The following CDH17 variants were observed in gnomAD, a reference collection of about 807,000 sequenced individuals.
The protein encoded by CDH17 is cadherin 17, also known as cadherin-17.
In CDH17, 67 loss-of-function variants were observed where a neutral mutation model predicts 86.3. That is an observed-to-expected ratio of 0.78 (90% confidence interval 0.64 to 0.95). The LOEUF is 0.95. Among genes scored for constraint, CDH17 ranks in the 40% least tolerant of loss-of-function variants. The pLI, the probability that CDH17 is intolerant of heterozygous loss-of-function variation, is 0.00. For synonymous variants in CDH17, 367 were observed against 366.4 expected, an observed-to-expected ratio of 1.00 and a Z score of -0.02; for missense variants, 993 against 1,017.6, an observed-to-expected ratio of 0.98 and a Z score of 0.33.
chr8:94,130,840 G>T, intron 16 of CDH17, 36 bp downstream of exon 16: 1 of 1,512,346 alleles, frequency 6.6e-7, no homozygotes, highest in East Asian at 2.3e-5. Context: ...CATGGTGACA[G>T]ATACTAGCCT....
At chr8:94,212,180 C>T (rs1814131702), upstream of CDH17, among the ~76,000 whole-genome samples, 1 of 152,168 alleles carries the variant, frequency 6.6e-6, no homozygotes, top group Non-Finnish European at 1.5e-5. Context: ...GACAGGGTCT[C>T]GCTCTGTCAC....
intron 10 of CDH17, among the ~76,000 whole-genome samples, chr8:94,162,938 T>C (rs79114277): frequency 0.033 from 5,073 of 152,342 alleles, 268 homozygotes; most frequent in African/African-American, 0.11. Context: ...TGCACTGCAC[T>C]GTATAATGGT....
intron 1 of CDH17, among the ~76,000 whole-genome samples, chr8:94,200,208 C>T (rs901982131): frequency 6.6e-6 from 1 of 152,120 alleles, no homozygotes; most frequent in Non-Finnish European, 1.5e-5. Flanking sequence ...GACACAATAC[C>T]ATTCAAGTGT....
intron 1 of CDH17, among the ~76,000 whole-genome samples, chr8:94,201,215 T>A (rs1348259097): frequency 3.9e-5 from 6 of 152,168 alleles, no homozygotes; most frequent in Non-Finnish European, 8.8e-5. Flanking sequence ...TGCAAATGTA[T>A]CTCTGTGTCT....
intron 12 of CDH17, among the ~76,000 whole-genome samples, chr8:94,159,110 T>C (rs762167058): frequency 1.3e-4 from 20 of 152,244 alleles, no homozygotes; most frequent in African/African-American, 3.4e-4. Context: ...CTGCTTCCAA[T>C]TGAGTCATCT....
intron 2 of CDH17, among the ~76,000 whole-genome samples, chr8:94,191,478 T>C: frequency 6.8e-6 from 1 of 147,000 alleles, no homozygotes; most frequent in Non-Finnish European, 1.5e-5. Flanking sequence ...TGAGACAGAG[T>C]TTCACTTTTG....
chr8:94,129,285 G>C (rs1217615241), intron 17 of CDH17, among the ~76,000 whole-genome samples: 1 of 152,190 alleles, frequency 6.6e-6, no homozygotes, highest in Non-Finnish European at 1.5e-5. Flanking sequence ...ACCTATGTAA[G>C]TGAGTGGGAC....
intron 2 of CDH17, among the ~76,000 whole-genome samples, chr8:94,192,919 C>T (rs10504934): frequency 0.37 from 55,724 of 152,136 alleles, 11,325 homozygotes; most frequent in Non-Finnish European, 0.48. Context: ...TAAATTAGTG[C>T]TTCTGTTGAA....
intron 15 of CDH17, among the ~76,000 whole-genome samples, chr8:94,140,615 A>T (rs1442434800): frequency 6.6e-6 from 1 of 152,212 alleles, no homozygotes; most frequent in Non-Finnish European, 1.5e-5. Context: ...AAACAAAAAC[A>T]GAAAAAAAAT....
intron 17 of CDH17, among the ~76,000 whole-genome samples, chr8:94,129,942 A>G (rs1812377124): frequency 6.6e-6 from 1 of 152,160 alleles, no homozygotes; most frequent in South Asian, 2.1e-4. Context: ...TGTATTTGCA[A>G]ATGTTCAAAA....
At chr8:94,184,712 T>A (rs1016050461) in intron 3 of CDH17, among the ~76,000 whole-genome samples, 10 of 152,202 alleles carry the variant, frequency 6.6e-5, no homozygotes, top group Non-Finnish European at 8.8e-5. Flanking sequence ...GCATGAATTT[T>A]TAGGGTTACA....
Position 94,146,012 on chromosome 8 carries a change from G to T in CDH17, c.2083C>A (p.Gln695Lys), listed in dbSNP as rs1257513536. 1.9e-6 allele frequency: 3 copies of T among 1,613,876 alleles called. No homozygotes were observed. Among genetic ancestry groups the T allele is most frequent in the Non-Finnish European group, 2.5e-6 (3 of 1,179,874 alleles). The change falls in exon 15 of 18, where the codon CAG (glutamine) becomes AAG (lysine). Residue 695 changes from glutamine (Q) to lysine (K), a missense_variant. Transcript: ENST00000027335. ...SLIFEATDDD[Q>K]HLFRGPHFTF... is the part of the protein sequence containing the mutation. ...AAATGGGGACCCCGAAATAAGTGCT[G>T]ATCATCATCAGTAGCCTCGAAAATG...
chr8:94,193,769 A>G (rs1000582736), intron 2 of CDH17, among the ~76,000 whole-genome samples: 7 of 152,088 alleles, frequency 4.6e-5, no homozygotes, highest in African/African-American at 1.7e-4. Context: ...TGAACTGCAG[A>G]TTTCCCCCGG....
Position 94,129,860 on chromosome 8 carries a change from G to A in CDH17, c.2398+766C>T, listed in dbSNP as rs1050309052. On this transcript the variant is annotated intron_variant, in intron 17 of 17. Coordinates refer to ENST00000027335, the MANE Select transcript of CDH17 (RefSeq NM_004063.4). ...ATTGTATGAAATACCTTCAGACTAC[G>A]TGTATAAAATGTTTATGAATCACGT... Among the ~76,000 whole-genome samples, 6 of 152,256 alleles carry A rather than the reference G, an allele frequency of 3.9e-5. No individual in the cohort carries two copies. In the East Asian group the frequency reaches 5.8e-4, roughly 15 times the overall value.
chr8:94,198,156 T>A (rs1299193182), intron 1 of CDH17, among the ~76,000 whole-genome samples: 1 of 152,184 alleles, frequency 6.6e-6, no homozygotes, highest in Non-Finnish European at 1.5e-5. Flanking sequence ...TGTATGTATA[T>A]ATATTTATAC....
intron 12 of CDH17, among the ~76,000 whole-genome samples, chr8:94,157,100 C>A (rs537364793): frequency 1.1e-4 from 16 of 152,180 alleles, no homozygotes; most frequent in Non-Finnish European, 2.1e-4. Flanking sequence ...GTGGGAGAAG[C>A]AAGAGAGTTT....
chr8:94,135,558 G>GT (rs1812507496), intron 15 of CDH17, among the ~76,000 whole-genome samples: 1 of 152,108 alleles, frequency 6.6e-6, no homozygotes, highest in Non-Finnish European at 1.5e-5. Flanking sequence ...TTCTCTGCAC[G>GT]TGAGATGGGT....
chr8:94,207,812 T>C (rs1437813874), intron 1 of CDH17, among the ~76,000 whole-genome samples: 33 of 152,272 alleles, frequency 2.2e-4, no homozygotes, highest in Admixed American at 1.3e-4. Flanking sequence ...AAGCTGTGTG[T>C]GGCTTAACAT....
intron 9 of CDH17, among the ~76,000 whole-genome samples, chr8:94,170,150 G>A (rs1438041662): frequency 6.6e-6 from 1 of 152,140 alleles, no homozygotes; most frequent in East Asian, 1.9e-4. Context: ...TAGTAGTAAG[G>A]TTGATAATGA....
Sources: gnomAD v4.1 joint callset for allele counts (sites outside exome capture counted in the v4.1 genomes callset) on GRCh38, gnomAD v4.1.1 for gene constraint, MANE v1.5 for transcripts, NCBI Gene and HGNC (gene_info 2026-07-23, HGNC 2026-07-21) for gene names.